VCL: variants seen among roughly 807,000 people sequenced by gnomAD.
The protein encoded by VCL is vinculin.
A neutral mutation model predicts 125.7 loss-of-function variants in VCL; 47 were observed. That is an observed-to-expected ratio of 0.37 (90% confidence interval 0.30 to 0.48). The LOEUF (loss-of-function observed/expected upper bound fraction) is 0.48. Ranked by LOEUF, VCL falls within the 20% of genes least tolerant of loss-of-function variation. The probability of loss-of-function intolerance (pLI) is 0.99; values close to 1 mark genes in which losing one functional copy is unlikely to be tolerated. For synonymous variants in VCL, 458 were observed against 514.6 expected (o/e 0.89, Z 1.49); for missense variants, 1,069 against 1,455.5 (o/e 0.73, Z 4.32).
Position 74,115,697 on chromosome 10 carries a change from C to T in VCL, c.3258+798C>T, listed in dbSNP as rs531692420. Among the ~76,000 whole-genome samples the T allele has an allele frequency of 2.6e-4, 39 of 152,260 alleles. No individual in the cohort carries two copies. In the South Asian group the frequency reaches 6.2e-3, roughly 24 times the overall value. ...GGAGGATGAATAGTGCAGGCTTTTC[C>T]GGGGCATGAGGTAGTTAGGCCTGTG... On this transcript the variant is annotated intron_variant, in intron 21 of 21. Coordinates refer to ENST00000211998, the MANE Select transcript of VCL (RefSeq NM_014000.3).
At chr10:73,999,956 T>C (rs1840196279) in intron 1 of VCL, among the ~76,000 whole-genome samples, 4 of 152,198 alleles carry the variant, frequency 2.6e-5, no homozygotes, top group Admixed American at 1.3e-4. Context: ...TAGGAAACAA[T>C]GTAAAGAGAC....
intron 2 of VCL, among the ~76,000 whole-genome samples, chr10:74,068,525 A>G (rs953032401): frequency 6.6e-6 from 1 of 152,118 alleles, no homozygotes; most frequent in African/African-American, 2.4e-5. Context: ...GAGTTTCACC[A>G]TGTTGGCCAG....
At position 74,107,091 on chromosome 10, in the gene VCL, C is replaced by G. The variant is rs554081979; in HGVS notation, c.2435-139C>G. ...GGCATCTGCCTTGTCCTGCCTCCCC[C>G]CTTCTTCAATCACTGCCCGTGATAT... On this transcript the variant is annotated intron_variant, in intron 16 of 21. Coordinates refer to ENST00000211998, the MANE Select transcript of VCL (RefSeq NM_014000.3). 4.6e-4 allele frequency: 639 copies of G among 1,391,602 alleles called. 1 individual carries two copies. The African/African-American group carries it at 5.9e-3, about 13-fold the overall frequency. The allele number at this position is 1,391,602 out of a possible 1,614,324, so 86.2% of individuals were successfully genotyped here.
Position 74,072,807 on chromosome 10 carries a change from A to C in VCL, c.577A>C (p.Asn193His). The C allele has an allele frequency of 6.2e-7, 1 of 1,614,178 alleles. No individual in the cohort carries two copies. ...THQEHRVMLV[N>H]SMNTVKELLP... Reference sequence around the variant, plus strand: ...CCAGGAGCACCGAGTGATGTTGGTGAACTCGATGAACACCGTGAAAGAGTT... The same window carrying C: ...CCAGGAGCACCGAGTGATGTTGGTGCACTCGATGAACACCGTGAAAGAGTT... Residue 193 changes from asparagine to histidine, a missense_variant, in exon 5 of 22, where the codon AAC (asparagine) becomes CAC (histidine). Around this residue, in one of 6 missense-constraint regions of VCL, gnomAD observed 760 missense variants for 928.9 expected, o/e 0.82. Coordinates refer to ENST00000211998, the MANE Select transcript of VCL (RefSeq NM_014000.3).
At chr10:74,004,652 T>C (rs538120813) in intron 1 of VCL, among the ~76,000 whole-genome samples, 33 of 152,310 alleles carry the variant, frequency 2.2e-4, no homozygotes, top group Non-Finnish European at 3.7e-4. Context: ...AGAAGAATGA[T>C]GTGAAGGTAA....
chr10:74,104,859 G>T, intron 15 of VCL, 192 bp from the exon 16 acceptor site: 1 of 675,002 alleles, frequency 1.5e-6, no homozygotes, highest in Non-Finnish European at 2.5e-6. Context: ...ATGGGCTTTT[G>T]GGCTATGTCC....
chr10:74,075,159 C>T (rs994627743), intron 6 of VCL: 5 of 480,884 alleles, frequency 1.0e-5, no homozygotes, highest in African/African-American at 9.8e-5. Context: ...ATAGCTTTTC[C>T]ATCAGGCTGG....
At chr10:74,028,110 C>G (rs903322766) in intron 1 of VCL, among the ~76,000 whole-genome samples, 2 of 152,172 alleles carry the variant, frequency 1.3e-5, no homozygotes, top group African/African-American at 4.8e-5. Context: ...GGATCTCCCC[C>G]TGTTGCCCAG....
chr10:74,015,537 T>C (rs1840521890), intron 1 of VCL, among the ~76,000 whole-genome samples: 1 of 151,374 alleles, frequency 6.6e-6, no homozygotes, highest in African/African-American at 2.4e-5. Context: ...GGAAACTCTG[T>C]CTCCAAAAAA....
chr10:74,104,123 G>A (rs1840098432), intron 15 of VCL, among the ~76,000 whole-genome samples, 195 bp downstream of exon 15: 1 of 152,232 alleles, frequency 6.6e-6, no homozygotes, highest in Non-Finnish European at 1.5e-5. Flanking sequence ...TGTCAGAAGA[G>A]AGACTCTTTG....
intron 6 of VCL, chr10:74,077,845 T>C (rs776144700): frequency 5.9e-6 from 2 of 340,344 alleles, no homozygotes; most frequent in Non-Finnish European, 1.2e-5. Context: ...CTTTTATACC[T>C]ATATTCAAAT....
At chr10:74,089,166 A>G (rs1326082275) in intron 8 of VCL, 30 bp from the exon 9 acceptor site, 5 of 1,613,636 alleles carry the variant, frequency 3.1e-6, no homozygotes, top group Middle Eastern at 1.6e-4. Context: ...TTGAGGGTGT[A>G]CAATGACAGC....
At chr10:74,014,805 A>C (rs987592113) in intron 1 of VCL, among the ~76,000 whole-genome samples, 1 of 152,130 alleles carries the variant, frequency 6.6e-6, no homozygotes, top group Non-Finnish European at 1.5e-5. Context: ...AGCTTGCATT[A>C]GTCTCCTGAG....
chr10:74,109,698 T>C (rs1408261990), intron 18 of VCL, among the ~76,000 whole-genome samples: 1 of 152,132 alleles, frequency 6.6e-6, no homozygotes, highest in East Asian at 1.9e-4. Context: ...TCAGCAAATC[T>C]GAAGGTGTAA....
intron 1 of VCL, among the ~76,000 whole-genome samples, chr10:74,014,649 T>G (rs1182629221): frequency 1.3e-5 from 2 of 151,846 alleles, no homozygotes; most frequent in Non-Finnish European, 2.9e-5. Context: ...CCAGGTAGAG[T>G]TGAGAAATAT....
In VCL at chr10:74,036,343, C is replaced by T. The variant is rs370925161; in HGVS notation, c.169-6740C>T. 6.1e-4 allele frequency among the ~76,000 whole-genome samples: 92 copies of T among 152,022 alleles called. 1 individual carries two copies. The highest frequency in any genetic ancestry group is 2.0e-3 in the African/African-American group (81 of 41,388). Reference sequence around the variant, plus strand: ...TCACCCTCCCGAGTAGCTGGGATTACAGGCGCCCACCATCACGCCCGGCCA... The same window carrying T: ...TCACCCTCCCGAGTAGCTGGGATTATAGGCGCCCACCATCACGCCCGGCCA... On this transcript the variant is annotated intron_variant, in intron 1 of 21. Coordinates refer to ENST00000211998, the MANE Select transcript of VCL (RefSeq NM_014000.3).
chr10:74,117,151 T>A (rs1234467701), intron 21 of VCL, among the ~76,000 whole-genome samples: 1 of 152,184 alleles, frequency 6.6e-6, no homozygotes, highest in Non-Finnish European at 1.5e-5. Context: ...TGGTTGTTTT[T>A]AAAATTCATT....
intron 1 of VCL, among the ~76,000 whole-genome samples, chr10:74,007,771 C>T (rs530662827): frequency 2.0e-5 from 3 of 152,206 alleles, no homozygotes; most frequent in Admixed American, 6.5e-5. Flanking sequence ...ACTGGGATTA[C>T]AGGCATGAGC....
At chr10:74,004,679 C>T (rs949455405) in intron 1 of VCL, among the ~76,000 whole-genome samples, 3 of 152,030 alleles carry the variant, frequency 2.0e-5, no homozygotes, top group African/African-American at 7.2e-5. Context: ...TTCATAGCCA[C>T]ACCCAATTTC....
Sources: allele counts gnomAD v4.1 joint callset (sites outside exome capture counted in the v4.1 genomes callset), GRCh38; gene constraint gnomAD v4.1.1; regional missense constraint gnomAD v4.1.1; transcripts MANE v1.5; gene names NCBI Gene and HGNC (gene_info 2026-07-23, HGNC 2026-07-21).